KANK1: variants seen among roughly 807,000 people sequenced by gnomAD.
KANK1 encodes the protein KN motif and ankyrin repeat domains 1.
A neutral mutation model predicts 106.2 loss-of-function variants in KANK1; 109 were observed. The observed-to-expected ratio is 1.03, with a 90% CI of 0.88 to 1.20. KANK1 has a LOEUF of 1.20. Among genes scored for constraint, KANK1 ranks in the 50% most tolerant of loss-of-function variants. The pLI is 0.00. For synonymous variants in KANK1, 873 were observed against 652.2 expected, an observed-to-expected ratio of 1.34 and a Z score of -5.16; for missense variants, 2,399 against 1,710.7, an observed-to-expected ratio of 1.40 and a Z score of -7.10.
chr9:614,707 C>G (rs4610808), intron 1 of KANK1, among the ~76,000 whole-genome samples: 114,581 of 152,002 alleles, frequency 0.75, 43,717 homozygotes, highest in Non-Finnish European at 0.81. Flanking sequence ...GGCCAGTACT[C>G]TCTAGTGTTG....
intron 1 of KANK1, among the ~76,000 whole-genome samples, chr9:613,109 C>T (rs780477486): frequency 1.3e-5 from 2 of 151,944 alleles, no homozygotes; most frequent in Non-Finnish European, 2.9e-5. Context: ...GTAGCATGTA[C>T]TGTAAAAGAT....
intron 1 of KANK1, among the ~76,000 whole-genome samples, chr9:600,043 T>C (rs1233113096): frequency 6.6e-6 from 1 of 151,902 alleles, no homozygotes; most frequent in East Asian, 1.9e-4. Flanking sequence ...TTTTAAAGTT[T>C]TGTGTTAGGC....
At chr9:635,546 T>G (rs1021798270) in intron 1 of KANK1, among the ~76,000 whole-genome samples, 1 of 152,182 alleles carries the variant, frequency 6.6e-6, no homozygotes, top group African/African-American at 2.4e-5. Flanking sequence ...CCCTTGAGAC[T>G]GGAGCTAGTC....
chr9:574,518 CTG>C (rs895714693), intron 1 of KANK1, among the ~76,000 whole-genome samples: 1 of 152,068 alleles, frequency 6.6e-6, no homozygotes, highest in African/African-American at 2.4e-5. Context: ...CTGTACCACT[CTG>C]TTCTCAACAG....
intron 3 of KANK1, among the ~76,000 whole-genome samples, chr9:714,231 A>G (rs1186305395): frequency 6.6e-6 from 1 of 152,126 alleles, no homozygotes; most frequent in Admixed American, 6.6e-5. Context: ...GACCTATAAC[A>G]TGTCAGGAGG....
chr9:607,785 G>A (rs75192804), intron 1 of KANK1, among the ~76,000 whole-genome samples: 1 of 151,770 alleles, frequency 6.6e-6, no homozygotes, highest in South Asian at 2.1e-4. Context: ...ATAATATGGT[G>A]TGGTAACGAT....
At position 711,583 on chromosome 9, in the gene KANK1, C is replaced by T. The variant is rs137938410; in HGVS notation, c.817C>T (p.Arg273Cys). ...IREQMAIALK[R>C]LKELEEQVRT... Reference sequence around the variant, plus strand: ...CGAGCAGATGGCCATTGCTCTGAAACGCCTGAAGGAGCTGGAGGAGCAGGT... The same window carrying T: ...CGAGCAGATGGCCATTGCTCTGAAATGCCTGAAGGAGCTGGAGGAGCAGGT... Residue 273 changes from arginine (R) to cysteine (C), a missense_variant, in exon 3 of 12, where the codon CGC becomes TGC. By Grantham distance (180) the Arg-to-Cys change is radical. Transcript: ENST00000382297. The T allele has an allele frequency of 3.0e-5, 49 of 1,613,940 alleles. No homozygotes were observed. The highest frequency in any genetic ancestry group is 8.0e-5 in the African/African-American group (6 of 74,918).
At chr9:501,793 T>G (rs918382171), upstream of KANK1, among the ~76,000 whole-genome samples, 2 of 152,212 alleles carry the variant, frequency 1.3e-5, no homozygotes, top group African/African-American at 4.8e-5. Context: ...GCTCAAGCTA[T>G]CCTCCTGCTT....
Position 713,265 on chromosome 9 carries a change from G to A in KANK1, c.2499G>A (p.Leu833=). 1.2e-6 allele frequency: 2 copies of A among 1,612,348 alleles called. No homozygotes were observed. Among genetic ancestry groups the A allele is most frequent in the Non-Finnish European group, 1.7e-6 (2 of 1,179,198 alleles). ...ACTACATTGAGCGTATCCAGAAGCT[G>A]CTGGCAGAACAGCAGACACTGCTGG... The part of the protein sequence containing the change: ...LDHYIERIQK[L]LAEQQTLLAE... Residue 833 remains leucine (L), a synonymous_variant, in exon 3 of 12, where the codon CTG becomes CTA. Coordinates refer to ENST00000382297, the MANE Select transcript of KANK1 (RefSeq NM_015158.5).
At chr9:474,492 T>G (rs1015731159) in intron 3 of KANK1, among the ~76,000 whole-genome samples, 8 of 152,238 alleles carry the variant, frequency 5.3e-5, no homozygotes, top group African/African-American at 1.9e-4. Flanking sequence ...GTGCCAGGCC[T>G]AGGACAAGGG....
At chr9:533,687 C>T (rs1249682831) in intron 1 of KANK1, among the ~76,000 whole-genome samples, 1 of 152,014 alleles carries the variant, frequency 6.6e-6, no homozygotes, top group Non-Finnish European at 1.5e-5. Flanking sequence ...TTTTGGAGGC[C>T]CAGTCTGTCA....
At chr9:571,255 C>G (rs774974923) in intron 1 of KANK1, among the ~76,000 whole-genome samples, 2 of 152,086 alleles carry the variant, frequency 1.3e-5, no homozygotes, top group South Asian at 4.2e-4. Context: ...CAGAAATACT[C>G]GATACAGTTA....
chr9:740,007 T>C (rs1834973296), intron 8 of KANK1, among the ~76,000 whole-genome samples: 1 of 152,226 alleles, frequency 6.6e-6, no homozygotes, highest in Non-Finnish European at 1.5e-5. Context: ...TAAATGTTCA[T>C]GGTACCTTTT....
intron 1 of KANK1, among the ~76,000 whole-genome samples, chr9:588,889 A>G (rs186039033): frequency 2.6e-5 from 4 of 152,320 alleles, no homozygotes; most frequent in African/African-American, 7.2e-5. Context: ...TTGTTGGCCT[A>G]CTAGTATTGT....
At chr9:668,423 T>TA (rs1845160595) in intron 1 of KANK1, among the ~76,000 whole-genome samples, 1 of 152,172 alleles carries the variant, frequency 6.6e-6, no homozygotes, top group Admixed American at 6.5e-5. Flanking sequence ...TCAAATGTAT[T>TA]AATCAGTTCT....
intron 3 of KANK1, among the ~76,000 whole-genome samples, chr9:728,073 A>G (rs906032584): frequency 6.6e-6 from 1 of 152,234 alleles, no homozygotes; most frequent in African/African-American, 2.4e-5. Flanking sequence ...CTTTATACCA[A>G]TAAGATAACA....
At chr9:741,724 T>C (rs1029945802) in intron 9 of KANK1, among the ~76,000 whole-genome samples, 1 of 152,056 alleles carries the variant, frequency 6.6e-6, no homozygotes, top group Non-Finnish European at 1.5e-5. Flanking sequence ...CCTGACCTCA[T>C]GATCCACCTG....
At chr9:539,189 T>C (rs72689604) in intron 1 of KANK1, among the ~76,000 whole-genome samples, 9,135 of 152,120 alleles carry the variant, frequency 0.06, 312 homozygotes, top group South Asian at 0.084. Context: ...CTGAAAACTT[T>C]CCAGTTTTTA....
intron 1 of KANK1, among the ~76,000 whole-genome samples, chr9:543,559 C>CAAAAA (rs57776331): frequency 0.051 from 6,098 of 120,002 alleles, 126 homozygotes; most frequent in South Asian, 0.072. Flanking sequence ...AACTCTGTCT[C>CAAAAA]AAAAAAAAAA....
Sources: gnomAD v4.1 joint callset for allele counts (sites outside exome capture counted in the v4.1 genomes callset) on GRCh38, gnomAD v4.1.1 for gene constraint, MANE v1.5 for transcripts, NCBI Gene and HGNC (gene_info 2026-07-23, HGNC 2026-07-21) for gene names.